Variants in MFN2 observed in about 807,000 individuals in gnomAD.
MFN2 encodes the protein mitofusin-2.
Under a neutral mutation model 87.5 loss-of-function variants are expected in MFN2, and 43 were observed. The ratio of observed to expected loss-of-function variants is 0.49; its 90% confidence interval spans 0.38 to 0.63. The LOEUF is 0.63. MFN2 is among the 30% of genes least tolerant of loss of function. MFN2 has a pLI of 0.00. For synonymous variants in MFN2, 337 were observed against 359.9 expected (o/e 0.94, Z 0.72); for missense variants, 743 against 972.8 (o/e 0.76, Z 3.14).
At position 12,001,422 on chromosome 1, in the gene MFN2, C is replaced by G. The variant is rs879253957; in HGVS notation, c.838C>G (p.Arg280Gly). ...CCAGGTGCGGCGGCAGCACATGGAG[C>G]GTTGTACCAGCTTCCTGGTGGATGA... ...MEEVRRQHME[R>G]CTSFLVDELG... Residue 280 changes from arginine (R) to glycine (G), a missense_variant, in exon 9 of 19, where the codon CGT (arginine) becomes GGT (glycine). By Grantham distance (125) the Arg-to-Gly change is moderately radical. Around this residue, in one of 3 missense-constraint regions of MFN2, gnomAD observed 571 missense variants for 670.7 expected, o/e 0.85. Transcript: ENST00000235329. The G allele has an allele frequency of 1.9e-6, 3 of 1,613,754 alleles. No individual in the cohort carries two copies.
chr1:11,999,117 T>C (rs370131531), intron 8 of MFN2, 22 bp downstream of exon 8: 21 of 1,608,498 alleles, frequency 1.3e-5, no homozygotes, highest in Non-Finnish European at 1.8e-5. Context: ...TGTTTGGCAG[T>C]TTGGGGAATG....
At position 12,008,630 on chromosome 1, in the gene MFN2, G is replaced by A. The variant is rs544098826; in HGVS notation, c.2070-962G>A. On this transcript the variant is annotated intron_variant, in intron 17 of 18. Coordinates refer to ENST00000235329, the MANE Select transcript of MFN2 (RefSeq NM_014874.4). ...GACGGGGTTGTGGCTGGGCAGAGGCGCTCCTCACATCCCAGACGGGGTGGT... is the reference window on the plus strand; with the variant it reads ...GACGGGGTTGTGGCTGGGCAGAGGCACTCCTCACATCCCAGACGGGGTGGT... 1.1e-4 allele frequency among the ~76,000 whole-genome samples: 16 copies of A among 150,452 alleles called. No individual in the cohort carries two copies. The East Asian group carries it at 1.2e-3, about 11-fold the overall frequency.
chr1:12,005,989 C>T, intron 15 of MFN2, 58 bp downstream of exon 15: 1 of 1,532,670 alleles, frequency 6.5e-7, no homozygotes, highest in Non-Finnish European at 9.0e-7. Flanking sequence ...ACCCTGCCTC[C>T]AGACACGGGA....
At chr1:11,993,418 CAA>C (rs371031427) in intron 4 of MFN2, among the ~76,000 whole-genome samples, 29 of 150,968 alleles carry the variant, frequency 1.9e-4, no homozygotes, top group African/African-American at 5.6e-4. Flanking sequence ...AGGCAAGCAT[CAA>C]AAAAAAATCA....
chr1:11,999,975 T>C (rs986161854), intron 8 of MFN2, among the ~76,000 whole-genome samples: 3 of 151,500 alleles, frequency 2.0e-5, no homozygotes, highest in African/African-American at 7.3e-5. Flanking sequence ...CAGGCGCCTG[T>C]AGTCCCAGCT....
At chr1:11,984,365 T>C (rs1233795012) in intron 2 of MFN2, among the ~76,000 whole-genome samples, 1 of 152,146 alleles carries the variant, frequency 6.6e-6, no homozygotes, top group Non-Finnish European at 1.5e-5. Context: ...TGGGTGTTCA[T>C]GGAGAGAGTC....
chr1:12,004,911 G>A lies in MFN2; in HGVS notation c.1479G>A (p.Met493Ile). 1 of 1,610,556 alleles carries A rather than the reference G, an allele frequency of 6.2e-7. No individual in the cohort carries two copies. The highest frequency in any genetic ancestry group is 1.1e-5 in the South Asian group (1 of 90,286). Residue 493 changes from methionine to isoleucine, a missense_variant, in exon 14 of 19, where the codon ATG becomes ATA. Physicochemically the swap from Met to Ile is conservative, Grantham distance 10. Transcript: ENST00000235329. This position sits in a 1 kb window ranked among gnomAD's most constrained non-coding sequence, Gnocchi z 4.2. ...STAITNSLQT[M>I]QQDMIDGLKP... ...CCATCACCAACTCCCTGCAGACCAT[G>A]CAGCAGGACATGATAGGTTAGTGCC...
intron 8 of MFN2, 25 bp downstream of exon 8, chr1:11,999,120 G>A (rs763653223): frequency 3.1e-6 from 5 of 1,604,002 alleles, no homozygotes; most frequent in Non-Finnish European, 4.3e-6. Flanking sequence ...TTGGCAGTTT[G>A]GGGAATGCAA....
intron 8 of MFN2, among the ~76,000 whole-genome samples, chr1:11,999,411 G>C (rs1050740038): frequency 6.6e-6 from 1 of 152,212 alleles, no homozygotes; most frequent in African/African-American, 2.4e-5. Context: ...CTCTAGGGAG[G>C]CCTCTGGGAA....
At chr1:11,996,052 A>G (rs1638893765) in intron 4 of MFN2, 104 bp from the exon 5 acceptor site, 2 of 1,442,016 alleles carry the variant, frequency 1.4e-6, no homozygotes, top group African/African-American at 1.4e-5. Context: ...CACTGGCAAC[A>G]TTGCACTGAA....
At chr1:11,991,393 G>A (rs999925700) in intron 3 of MFN2, among the ~76,000 whole-genome samples, 2 of 152,202 alleles carry the variant, frequency 1.3e-5, no homozygotes, top group African/African-American at 4.8e-5. Flanking sequence ...GGGGTGGTCA[G>A]AGAAGGCTTC....
At chr1:12,001,175 T>A (rs1639153593) in intron 8 of MFN2, among the ~76,000 whole-genome samples, 1 of 152,108 alleles carries the variant, frequency 6.6e-6, no homozygotes, top group Non-Finnish European at 1.5e-5. Context: ...CATGCCTGGC[T>A]AATTTTTTTG....
Position 12,001,201 on chromosome 1 carries a change from C to T in MFN2, c.817-200C>T, listed in dbSNP as rs764916444. Among the ~76,000 whole-genome samples, 18 of 152,008 alleles carry T rather than the reference C, an allele frequency of 1.2e-4. No homozygotes were observed. The highest frequency in any genetic ancestry group is 6.6e-4 in the Admixed American group (10 of 15,266). ...AATTTTTTTGTATTTTTAGTAGAGA[C>T]AGGGTTTCACCATGGTGGCCAGGCT... On this transcript the variant is annotated intron_variant, in intron 8 of 18. Coordinates refer to ENST00000235329, the MANE Select transcript of MFN2 (RefSeq NM_014874.4).
At chr1:11,998,094 G>A (rs995532666) in intron 6 of MFN2, among the ~76,000 whole-genome samples, 7 of 150,968 alleles carry the variant, frequency 4.6e-5, no homozygotes, top group East Asian at 2.0e-4. Flanking sequence ...ATGTTGGCCA[G>A]GCTGGTCTTG....
In MFN2 at chr1:11,992,678, C is replaced by CT. The variant is rs777012596; in HGVS notation, c.306dup (p.Gly103TrpfsTer41). 1.2e-6 allele frequency: 2 copies of CT among 1,614,120 alleles called. No homozygotes were observed. The highest frequency in any genetic ancestry group is 1.7e-6 in the Non-Finnish European group (2 of 1,180,026). On this transcript the variant is annotated frameshift_variant, in exon 4 of 19. Coordinates refer to ENST00000235329, the MANE Select transcript of MFN2 (RefSeq NM_014874.4). LOFTEE classifies it high-confidence loss of function. ...CTGGCTCGGAGGCACATGAAAGTGG[C>CT]TTTTTTTGGCCGGTAAGTCCTTGAG...
In MFN2 at chr1:12,011,627, G is replaced by T. The variant is rs1639704340; in HGVS notation, c.*62G>T. The stretch of plus-strand genomic sequence containing the variant: ...GTGCTGCCAGCCCTAAGTGCCATGT[G>T]GGCTCCCCCAGGGGCACGTGTGGCT... On this transcript the variant is annotated 3_prime_UTR_variant, in exon 19 of 19. Transcript: ENST00000235329. 1.3e-6 allele frequency: 2 copies of T among 1,573,932 alleles called. No homozygotes were observed. The highest frequency in any genetic ancestry group is 1.7e-6 in the Non-Finnish European group (2 of 1,145,816).
chr1:12,011,765 C>A lies in MFN2; in HGVS notation c.*200C>A. 1.6e-6 allele frequency: 1 copy of A among 628,014 alleles called. No individual in the cohort carries two copies. Among genetic ancestry groups the A allele is most frequent in the Non-Finnish European group, 2.8e-6 (1 of 352,418 alleles). 38.9% of individuals were successfully genotyped at this position (628,014 alleles called of 1,614,324 possible). A position where few individuals can be genotyped will look rare whatever the true frequency, so the allele number is the denominator to read the frequency against. On this transcript the variant is annotated 3_prime_UTR_variant, in exon 19 of 19. Transcript: ENST00000235329. ...TGCCTGCTGTTGCTGGAAGAGCTGG[C>A]TCATACCCCCAAAGGACACTTTCAG...
Position 12,001,465 on chromosome 1 carries a change from G to A in MFN2, c.881G>A (p.Arg294Gln), listed in dbSNP as rs371982971. 21 of 1,614,024 alleles carry A rather than the reference G, an allele frequency of 1.3e-5. No individual in the cohort carries two copies. Among genetic ancestry groups the A allele is most frequent in the South Asian group, 2.2e-5 (2 of 91,040 alleles). Residue 294 changes from arginine to glutamine, a missense_variant, in exon 9 of 19, where the codon CGA becomes CAA. Arg to Gln is a conservative substitution (Grantham distance 43, BLOSUM62 1). Transcript: ENST00000235329. ...FLVDELGVVD[R>Q]SQAGDRIFFV... ...GTGGATGAGCTGGGCGTGGTGGATC[G>A]ATCCCAGGCCGGGGACCGCATCTTC...
chr1:11,985,625 C>G (rs1383437363), intron 2 of MFN2, among the ~76,000 whole-genome samples: 1 of 152,050 alleles, frequency 6.6e-6, no homozygotes, highest in African/African-American at 2.4e-5. Flanking sequence ...CGCCACCACA[C>G]CCAGCTAATT....
Sources: allele counts gnomAD v4.1 joint callset (sites outside exome capture counted in the v4.1 genomes callset), GRCh38; gene constraint gnomAD v4.1.1; regional missense constraint gnomAD v4.1.1; non-coding constraint Gnocchi (gnomAD v3.1); transcripts MANE v1.5; gene names NCBI Gene and HGNC (gene_info 2026-07-23, HGNC 2026-07-21).